The following SPOCK1 variants were observed in gnomAD, a reference collection of about 807,000 sequenced individuals.
SPOCK1 encodes the protein SPARC (osteonectin), cwcv and kazal like domains proteoglycan 1.
In SPOCK1, 23 loss-of-function variants were observed where a neutral mutation model predicts 55.3. The observed-to-expected ratio is 0.42, with a 90% confidence interval of 0.30 to 0.59. The LOEUF (loss-of-function observed/expected upper bound fraction) is 0.59, where lower values mean the gene tolerates loss of function less well. SPOCK1 is among the 20% of genes least tolerant of loss of function. SPOCK1 has a pLI of 0.22. For synonymous variants in SPOCK1, 226 were observed against 221.0 expected (o/e 1.02, Z -0.20); for missense variants, 499 against 552.5 (o/e 0.90, Z 0.97).
At chr5:137,244,991 CT>C (rs1756368370) in intron 3 of SPOCK1, among the ~76,000 whole-genome samples, 1 of 152,178 alleles carries the variant, frequency 6.6e-6, no homozygotes, top group African/African-American at 2.4e-5. Flanking sequence ...GAGAAAATTG[CT>C]CATAGAAATG....
chr5:137,422,884 T>C (rs1752531772), intron 2 of SPOCK1, among the ~76,000 whole-genome samples: 1 of 152,214 alleles, frequency 6.6e-6, no homozygotes, highest in Non-Finnish European at 1.5e-5. Flanking sequence ...TTTCCAGTTT[T>C]TCTGCTCTGT....
intron 4 of SPOCK1, among the ~76,000 whole-genome samples, chr5:137,131,078 T>G (rs1317965315): frequency 6.6e-6 from 1 of 152,212 alleles, no homozygotes; most frequent in African/African-American, 2.4e-5. Flanking sequence ...GCGCCCCCGA[T>G]GGGCCCTACT....
At chr5:137,317,990 T>A (rs1325991803) in intron 2 of SPOCK1, among the ~76,000 whole-genome samples, 1 of 152,204 alleles carries the variant, frequency 6.6e-6, no homozygotes, top group East Asian at 1.9e-4. Flanking sequence ...TACTTTTAAT[T>A]TGATTATTTA....
intron 2 of SPOCK1, among the ~76,000 whole-genome samples, chr5:137,450,913 T>C (rs528706429): frequency 2.6e-5 from 4 of 152,102 alleles, no homozygotes; most frequent in African/African-American, 4.8e-5. Context: ...TCCCGACCAG[T>C]GTTCCCTCTT....
chr5:137,006,876 T>C (rs761343485), intron 6 of SPOCK1, among the ~76,000 whole-genome samples: 16 of 152,190 alleles, frequency 1.1e-4, no homozygotes, highest in Admixed American at 9.8e-4. Flanking sequence ...GTTCCATCAA[T>C]ACCTAGTTTA....
At chr5:137,273,553 G>A (rs1441458069) in intron 2 of SPOCK1, among the ~76,000 whole-genome samples, 8 of 152,278 alleles carry the variant, frequency 5.3e-5, no homozygotes, top group Admixed American at 2.0e-4. Flanking sequence ...CCTTTGAAAA[G>A]GTCCCAACAA....
At chr5:137,403,559 C>G (rs779297195) in intron 2 of SPOCK1, among the ~76,000 whole-genome samples, 1 of 152,040 alleles carries the variant, frequency 6.6e-6, no homozygotes, top group Non-Finnish European at 1.5e-5. Context: ...TGAAACTGTA[C>G]AGCAGGCTGA....
At chr5:137,191,760 G>C (rs939292701) in intron 3 of SPOCK1, among the ~76,000 whole-genome samples, 1 of 152,134 alleles carries the variant, frequency 6.6e-6, no homozygotes, top group Non-Finnish European at 1.5e-5. Context: ...CACTGGAGAC[G>C]TTAATGTGTG....
intron 10 of SPOCK1, 90 bp downstream of exon 10, chr5:136,979,242 T>C: frequency 1.3e-6 from 2 of 1,557,610 alleles, no homozygotes; most frequent in Non-Finnish European, 1.7e-6. Flanking sequence ...TGGAGTTACC[T>C]CTCAACATTC....
intron 7 of SPOCK1, among the ~76,000 whole-genome samples, chr5:136,989,345 G>A (rs925029173): frequency 4.5e-4 from 69 of 152,280 alleles, no homozygotes; most frequent in African/African-American, 1.5e-3. Context: ...ATAACACTTA[G>A]CTCAACACTC....
Position 137,471,631 on chromosome 5 carries a change from C to G in SPOCK1, c.186+26742G>C, listed in dbSNP as rs147755369. 1.8e-4 allele frequency among the ~76,000 whole-genome samples: 28 copies of G among 152,274 alleles called. No individual in the cohort carries two copies. The East Asian group carries it at 4.8e-3, about 26-fold the overall frequency. ...AGACTTCAGGACCCTGGTGACTATT[C>G]TAAAGTAATGTGAAAACCCAGAAGC... On this transcript the variant is annotated intron_variant, in intron 2 of 10. Coordinates refer to ENST00000394945, the MANE Select transcript of SPOCK1 (RefSeq NM_004598.4).
At chr5:137,051,708 A>G (rs1752211588) in intron 6 of SPOCK1, among the ~76,000 whole-genome samples, 1 of 152,124 alleles carries the variant, frequency 6.6e-6, no homozygotes, top group South Asian at 2.1e-4. Context: ...AACTATTGAG[A>G]AAAAAAATCA....
intron 2 of SPOCK1, among the ~76,000 whole-genome samples, chr5:137,467,722 G>A (rs571029414): frequency 1.8e-4 from 27 of 152,308 alleles, no homozygotes; most frequent in Non-Finnish European, 3.4e-4. Context: ...GGCCGGTAAA[G>A]AGACAGCATT....
chr5:137,296,136 G>A lies in SPOCK1; in HGVS notation c.187-29081C>T, dbSNP rs949458283. Among the ~76,000 whole-genome samples, 4 of 152,114 alleles carry A rather than the reference G, an allele frequency of 2.6e-5. No individual in the cohort carries two copies. The East Asian group carries it at 7.7e-4, about 29-fold the overall frequency. On this transcript the variant is annotated intron_variant, in intron 2 of 10. Transcript: ENST00000394945. ...AGAAAACAGCATCTATGAGGAATGGGCCCTCTTCAGATGATGAATCTGCCA... is the reference window on the plus strand; with the variant it reads ...AGAAAACAGCATCTATGAGGAATGGACCCTCTTCAGATGATGAATCTGCCA...
intron 3 of SPOCK1, among the ~76,000 whole-genome samples, chr5:137,259,508 A>C (rs1322508056): frequency 6.6e-6 from 1 of 152,082 alleles, no homozygotes; most frequent in Non-Finnish European, 1.5e-5. Context: ...GAACTAGGGG[A>C]GGGATAGCAT....
At chr5:137,130,557 AG>A (rs1248234057) in intron 4 of SPOCK1, among the ~76,000 whole-genome samples, 1 of 152,232 alleles carries the variant, frequency 6.6e-6, no homozygotes, top group Non-Finnish European at 1.5e-5. Flanking sequence ...CCATATTCAG[AG>A]ATGGCCTCCC....
chr5:137,102,078 T>G (rs1753279207), intron 5 of SPOCK1, among the ~76,000 whole-genome samples: 1 of 152,264 alleles, frequency 6.6e-6, no homozygotes, highest in Non-Finnish European at 1.5e-5. Flanking sequence ...TATTTTAAAA[T>G]GTGACTGGGT....
intron 6 of SPOCK1, among the ~76,000 whole-genome samples, chr5:137,059,300 G>T (rs191674736): frequency 6.6e-6 from 1 of 152,176 alleles, no homozygotes; most frequent in Non-Finnish European, 1.5e-5. Flanking sequence ...ATGTACTTAC[G>T]TGAAAATATA....
intron 3 of SPOCK1, among the ~76,000 whole-genome samples, chr5:137,195,813 G>C (rs2127073051): frequency 6.6e-6 from 1 of 152,354 alleles, no homozygotes; most frequent in African/African-American, 2.4e-5. Flanking sequence ...CATCCCTCCA[G>C]GATGGCTGGA....
Sources: gnomAD v4.1 joint callset for allele counts (sites outside exome capture counted in the v4.1 genomes callset) on GRCh38, gnomAD v4.1.1 for gene constraint, MANE v1.5 for transcripts, NCBI Gene and HGNC (gene_info 2026-07-23, HGNC 2026-07-21) for gene names.